The following KCNQ3 variants were observed in gnomAD, a reference collection of about 807,000 sequenced individuals.
The protein encoded by KCNQ3 is potassium voltage-gated channel subfamily Q member 3, also known as potassium voltage-gated channel subfamily KQT member 3.
KCNQ3 carries 30 observed loss-of-function variants against 92.5 expected under a neutral mutation model. The observed-to-expected ratio is 0.32, with a 90% CI of 0.24 to 0.44. KCNQ3 has a LOEUF of 0.44. Among genes scored for constraint, KCNQ3 ranks in the 20% least tolerant of loss-of-function variants. The probability of loss-of-function intolerance (pLI) is 1.00; values close to 1 mark genes in which losing one functional copy is unlikely to be tolerated. For synonymous variants in KCNQ3, 450 were observed against 468.8 expected, an observed-to-expected ratio of 0.96 and a Z score of 0.52; for missense variants, 913 against 1,140.3, an observed-to-expected ratio of 0.80 and a Z score of 2.87.
Position 132,125,698 on chromosome 8 carries a change from A to G in KCNQ3, c.*3564T>C, listed in dbSNP as rs1215114432. 1 of 152,232 alleles carries G rather than the reference A, an allele frequency of 6.6e-6. No individual in the cohort carries two copies. The highest frequency in any genetic ancestry group is 1.5e-5 in the Non-Finnish European group (1 of 68,048). 9.4% of individuals were successfully genotyped at this position (152,232 alleles called of 1,614,324 possible). On this transcript the variant is annotated 3_prime_UTR_variant, in exon 15 of 15. Coordinates refer to ENST00000388996, the MANE Select transcript of KCNQ3 (RefSeq NM_004519.4). ...AGTGTCTAGGAAGTACCTTGCACAA[A>G]ATAGACACAGGATGCATAATTGTTG...
chr8:132,295,917 C>T (rs1287035416), intron 1 of KCNQ3, among the ~76,000 whole-genome samples: 2 of 152,028 alleles, frequency 1.3e-5, no homozygotes, highest in East Asian at 3.9e-4. Context: ...GGATAAATAG[C>T]TAATGCACAC....
intron 1 of KCNQ3, among the ~76,000 whole-genome samples, chr8:132,202,656 T>TG (rs1318299146): frequency 6.6e-6 from 1 of 152,182 alleles, no homozygotes; most frequent in East Asian, 1.9e-4. Context: ...TGTCACTTTA[T>TG]AACAAGGACT....
At chr8:132,284,892 C>G (rs1816632558) in intron 1 of KCNQ3, among the ~76,000 whole-genome samples, 1 of 152,148 alleles carries the variant, frequency 6.6e-6, no homozygotes, top group Non-Finnish European at 1.5e-5. Flanking sequence ...GTGAGCATGC[C>G]TCTCCTATTT....
At chr8:132,135,937 C>T (rs533908153) in intron 12 of KCNQ3, among the ~76,000 whole-genome samples, 2 of 151,486 alleles carry the variant, frequency 1.3e-5, no homozygotes, top group Admixed American at 6.6e-5. Flanking sequence ...CTGGCCAGCA[C>T]GGTGAAACCC....
At chr8:132,141,441 G>A (rs1018942074) in intron 9 of KCNQ3, 110 bp from the exon 10 acceptor site, 5 of 964,222 alleles carry the variant, frequency 5.2e-6, no homozygotes, top group South Asian at 1.4e-5. Context: ...AATGGGGACC[G>A]TGCATTTCAC....
At chr8:132,351,166 C>A (rs1176374116) in intron 1 of KCNQ3, among the ~76,000 whole-genome samples, 1 of 152,132 alleles carries the variant, frequency 6.6e-6, no homozygotes, top group South Asian at 2.1e-4. Flanking sequence ...ACAAATGATC[C>A]CATTTATGTC....
At chr8:132,227,415 T>C (rs996234482) in intron 1 of KCNQ3, among the ~76,000 whole-genome samples, 1 of 152,036 alleles carries the variant, frequency 6.6e-6, no homozygotes, top group African/African-American at 2.4e-5. Context: ...CTGGGGTGTG[T>C]GTGCAGAGAG....
chr8:132,376,260 T>C (rs1819605255), intron 1 of KCNQ3, among the ~76,000 whole-genome samples: 1 of 152,240 alleles, frequency 6.6e-6, no homozygotes, highest in Non-Finnish European at 1.5e-5. Flanking sequence ...ACACTTCTGA[T>C]ATTTCTCTTC....
At chr8:132,219,513 G>A (rs1196037067) in intron 1 of KCNQ3, among the ~76,000 whole-genome samples, 1 of 152,058 alleles carries the variant, frequency 6.6e-6, no homozygotes, top group African/African-American at 2.4e-5. Context: ...CTCTGTCCCT[G>A]GGACATCATA....
At chr8:132,323,410 G>A (rs1817950412) in intron 1 of KCNQ3, among the ~76,000 whole-genome samples, 1 of 152,160 alleles carries the variant, frequency 6.6e-6, no homozygotes, top group Non-Finnish European at 1.5e-5. Flanking sequence ...ATGCCACAAC[G>A]GCAGCACTGT....
At chr8:132,275,581 C>G (rs1352072245) in intron 1 of KCNQ3, among the ~76,000 whole-genome samples, 1 of 141,472 alleles carries the variant, frequency 7.1e-6, no homozygotes, top group African/African-American at 2.6e-5. Context: ...CCAGTGAAAC[C>G]TTTTTTTTTT....
chr8:132,328,268 C>A (rs926906184), intron 1 of KCNQ3, among the ~76,000 whole-genome samples: 2 of 152,174 alleles, frequency 1.3e-5, no homozygotes, highest in Non-Finnish European at 2.9e-5. Flanking sequence ...CTCAGTCTAA[C>A]CAGGTTCCCT....
intron 1 of KCNQ3, among the ~76,000 whole-genome samples, chr8:132,461,821 CTTCT>C (rs1822067965): frequency 6.6e-6 from 1 of 152,210 alleles, no homozygotes; most frequent in Non-Finnish European, 1.5e-5. Context: ...ATCTATATAT[CTTCT>C]TTAATGAGAT....
chr8:132,274,947 G>A (rs374818011), intron 1 of KCNQ3, among the ~76,000 whole-genome samples: 15 of 152,162 alleles, frequency 9.9e-5, no homozygotes, highest in African/African-American at 2.4e-4. Flanking sequence ...CAATCAGCTC[G>A]GGTGAAGGGG....
chr8:132,311,134 T>G (rs1015922923), intron 1 of KCNQ3, among the ~76,000 whole-genome samples: 7 of 152,108 alleles, frequency 4.6e-5, no homozygotes, highest in Admixed American at 1.3e-4. Flanking sequence ...TTTACCACGT[T>G]GGCCAGGATG....
chr8:132,408,701 G>T (rs1820564900), intron 1 of KCNQ3, among the ~76,000 whole-genome samples: 1 of 152,198 alleles, frequency 6.6e-6, no homozygotes, highest in Admixed American at 6.5e-5. Context: ...AATCTAGTGA[G>T]CCATAAAAGA....
intron 9 of KCNQ3, among the ~76,000 whole-genome samples, chr8:132,150,295 G>A (rs1026479823): frequency 2.6e-5 from 4 of 152,142 alleles, no homozygotes; most frequent in Non-Finnish European, 5.9e-5. Flanking sequence ...CTGTAACCTC[G>A]TGGCAGGGCT....
intron 1 of KCNQ3, among the ~76,000 whole-genome samples, chr8:132,396,949 C>CGTGT (rs112457824): frequency 0.026 from 3,864 of 149,794 alleles, 153 homozygotes; most frequent in African/African-American, 0.088. Flanking sequence ...TGTGTGTGTG[C>CGTGT]GTGTGTGTGT....
chr8:132,341,451 C>T (rs1439667894), intron 1 of KCNQ3, among the ~76,000 whole-genome samples: 2 of 152,214 alleles, frequency 1.3e-5, no homozygotes, highest in African/African-American at 4.8e-5. Flanking sequence ...CCTGCCACAC[C>T]CATGGACATT....
Sources: gnomAD v4.1 joint callset for allele counts (sites outside exome capture counted in the v4.1 genomes callset) on GRCh38, gnomAD v4.1.1 for gene constraint, MANE v1.5 for transcripts, NCBI Gene and HGNC (gene_info 2026-07-23, HGNC 2026-07-21) for gene names.